The following DNAAF9 variants were observed in gnomAD, a reference collection of about 807,000 sequenced individuals.
DNAAF9 encodes the protein dynein axonemal assembly factor 9.
DNAAF9 carries 90 observed loss-of-function variants against 167.0 expected under a neutral mutation model. That is an observed-to-expected ratio of 0.54 (90% CI 0.45 to 0.64). The LOEUF (loss-of-function observed/expected upper bound fraction) is 0.64, where lower values mean the gene tolerates loss of function less well. Ranked by LOEUF, DNAAF9 falls within the 30% of genes least tolerant of loss-of-function variation. DNAAF9 has a pLI of 0.00. For missense variants in DNAAF9, 1,315 were observed against 1,442.2 expected, an observed-to-expected ratio of 0.91 and a Z score of 1.43; for synonymous variants, 491 against 508.8, an observed-to-expected ratio of 0.96 and a Z score of 0.47.
chr20:3,260,599 T>C (rs2068367384), intron 31 of DNAAF9, among the ~76,000 whole-genome samples: 1 of 151,802 alleles, frequency 6.6e-6, no homozygotes, highest in Non-Finnish European at 1.5e-5. Context: ...CCTGGTACGG[T>C]GGGGGGCTCT....
intron 20 of DNAAF9, among the ~76,000 whole-genome samples, chr20:3,306,502 G>A (rs2069296926): frequency 6.6e-6 from 1 of 152,174 alleles, no homozygotes; most frequent in African/African-American, 2.4e-5. Flanking sequence ...ATTGTAACAG[G>A]TGGTATTATT....
intron 22 of DNAAF9, 125 bp from the exon 23 acceptor site, chr20:3,297,074 C>T: frequency 1.5e-6 from 1 of 649,992 alleles, no homozygotes; most frequent in Non-Finnish European, 2.7e-6. Context: ...CTATAACAAA[C>T]AAGTTTGCTT....
intron 20 of DNAAF9, among the ~76,000 whole-genome samples, chr20:3,314,649 C>T (rs1417751428): frequency 6.6e-6 from 1 of 152,156 alleles, no homozygotes; most frequent in Non-Finnish European, 1.5e-5. Context: ...AACTTCTGAC[C>T]TGGAGAACTG....
chr20:3,404,585 C>T (rs985416471), intron 1 of DNAAF9, among the ~76,000 whole-genome samples: 2 of 152,174 alleles, frequency 1.3e-5, no homozygotes, highest in Non-Finnish European at 2.9e-5. Flanking sequence ...TTCCTCAGTA[C>T]TTATGACTCA....
chr20:3,310,251 G>A (rs2069377924), intron 20 of DNAAF9, among the ~76,000 whole-genome samples: 12 of 146,922 alleles, frequency 8.2e-5, no homozygotes, highest in Admixed American at 7.5e-4. Flanking sequence ...GAGAAACAGA[G>A]AGAGAGAGAG....
At chr20:3,341,884 T>C (rs953768050) in intron 9 of DNAAF9, among the ~76,000 whole-genome samples, 3 of 152,074 alleles carry the variant, frequency 2.0e-5, no homozygotes, top group Admixed American at 6.5e-5. Context: ...TTCACGCCAT[T>C]CTCCTGCCTC....
intron 7 of DNAAF9, among the ~76,000 whole-genome samples, chr20:3,354,769 GCT>G (rs2083262331): frequency 6.6e-6 from 1 of 152,134 alleles, no homozygotes; most frequent in Admixed American, 6.6e-5. Context: ...GTTGAATCTG[GCT>G]CTCAGCCTTT....
At position 3,290,155 on chromosome 20, in the gene DNAAF9, C is replaced by G. The variant is rs377057414; in HGVS notation, c.2301G>C (p.Leu767=). ...TGCCACATTCCTTATGCAGAGTGAC[C>G]AGAAAAGCACAGAGCTCGCTAGCGT... ...GCHASELCAF[L]VTLHKECGRW... The change falls in exon 26 of 37, where the codon CTG becomes CTC. Residue 767 remains leucine (L), a synonymous_variant. Coordinates refer to ENST00000252032, the MANE Select transcript of DNAAF9 (RefSeq NM_001009984.3). The G allele has an allele frequency of 2.1e-4, 336 of 1,612,054 alleles. 1 individual carries two copies. The highest frequency in any genetic ancestry group is 1.2e-3 in the Middle Eastern group (7 of 6,082).
intron 35 of DNAAF9, among the ~76,000 whole-genome samples, chr20:3,254,957 G>A (rs2122724551): frequency 6.6e-6 from 1 of 152,296 alleles, no homozygotes; most frequent in Non-Finnish European, 1.5e-5. Context: ...CCAAGGCAGG[G>A]CTTCTGGTCA....
At chr20:3,370,155 T>C (rs1289587473) in intron 6 of DNAAF9, among the ~76,000 whole-genome samples, 1 of 152,210 alleles carries the variant, frequency 6.6e-6, no homozygotes, top group African/African-American at 2.4e-5. Context: ...ATATTCTACA[T>C]GCCAAAATGT....
chr20:3,349,214 A>AAAAAAAG (rs1365138439), intron 7 of DNAAF9, among the ~76,000 whole-genome samples: 4 of 150,194 alleles, frequency 2.7e-5, no homozygotes, highest in Admixed American at 6.6e-5. Flanking sequence ...CAAAAAAAAA[A>AAAAAAAG]AAAACACCAT....
chr20:3,384,840 C>T (rs748784721), intron 1 of DNAAF9, among the ~76,000 whole-genome samples: 15 of 151,824 alleles, frequency 9.9e-5, no homozygotes, highest in Non-Finnish European at 2.1e-4. Flanking sequence ...TATTAACAGG[C>T]TAAAGAAGAA....
At chr20:3,403,875 A>G (rs2084020678) in intron 1 of DNAAF9, among the ~76,000 whole-genome samples, 1 of 152,080 alleles carries the variant, frequency 6.6e-6, no homozygotes, top group African/African-American at 2.4e-5. Flanking sequence ...ACTGGACTTG[A>G]ATTCCTGGAC....
At chr20:3,321,074 C>T (rs1307975034) in intron 16 of DNAAF9, among the ~76,000 whole-genome samples, 1 of 152,210 alleles carries the variant, frequency 6.6e-6, no homozygotes, top group African/African-American at 2.4e-5. Flanking sequence ...CATCCCACCC[C>T]AGGGACCATT....
chr20:3,285,980 A>C (rs76903368), intron 27 of DNAAF9, among the ~76,000 whole-genome samples: 4 of 145,924 alleles, frequency 2.7e-5, no homozygotes, highest in Non-Finnish European at 6.1e-5. Context: ...ACTCCGTTTC[A>C]AAAAAAAAAA....
At chr20:3,360,151 A>C (rs1311207666) in intron 6 of DNAAF9, 1 of 152,212 alleles carries the variant, frequency 6.6e-6, no homozygotes, top group Admixed American at 6.5e-5. Flanking sequence ...TCAAAAAATA[A>C]TTTTTTTAAA....
intron 29 of DNAAF9, among the ~76,000 whole-genome samples, chr20:3,274,371 G>A (rs958694953): frequency 1.3e-5 from 2 of 152,160 alleles, no homozygotes; most frequent in African/African-American, 4.8e-5. Flanking sequence ...TTAAACTCCT[G>A]ACCTCAGGTG....
At chr20:3,362,564 G>GT (rs1028537047) in intron 6 of DNAAF9, among the ~76,000 whole-genome samples, 1 of 151,776 alleles carries the variant, frequency 6.6e-6, no homozygotes, top group African/African-American at 2.4e-5. Context: ...TGTCTCAACA[G>GT]TAACACTATT....
Position 3,290,179 on chromosome 20 carries a change from G to C in DNAAF9, c.2277C>G (p.His759Gln). 6.2e-7 allele frequency: 1 copy of C among 1,613,216 alleles called. No homozygotes were observed. Among genetic ancestry groups the C allele is most frequent in the East Asian group, 2.2e-5 (1 of 44,880 alleles). ...ISIVTGLPGC[H>Q]ASELCAFLVT... is the part of the protein sequence containing the mutation. Reference sequence around the variant, plus strand: ...CCAGAAAAGCACAGAGCTCGCTAGCGTGACAGCCTGGGAGGCCGGTTACAA... The same window carrying C: ...CCAGAAAAGCACAGAGCTCGCTAGCCTGACAGCCTGGGAGGCCGGTTACAA... Residue 759 changes from histidine to glutamine, a missense_variant, in exon 26 of 37, where the codon CAC becomes CAG. This residue lies in a region of DNAAF9 where 981 missense variants were observed against 1,012.5 expected (regional missense o/e 0.97). Coordinates refer to ENST00000252032, the MANE Select transcript of DNAAF9 (RefSeq NM_001009984.3).
Sources: allele counts gnomAD v4.1 joint callset (sites outside exome capture counted in the v4.1 genomes callset), GRCh38; gene constraint gnomAD v4.1.1; regional missense constraint gnomAD v4.1.1; transcripts MANE v1.5; gene names NCBI Gene and HGNC (gene_info 2026-07-23, HGNC 2026-07-21).